ZFHX3: variants seen among roughly 807,000 people sequenced by gnomAD.
ZFHX3 encodes zinc finger homeobox 3.
In ZFHX3, 42 loss-of-function variants were observed where a neutral mutation model predicts 279.1. The ratio of observed to expected loss-of-function variants is 0.15; its 90% CI spans 0.12 to 0.19. The LOEUF is 0.19. Ranked by LOEUF, ZFHX3 falls within the 10% of genes least tolerant of loss-of-function variation. The pLI is 1.00. For synonymous variants in ZFHX3, 2,293 were observed against 1,957.8 expected (o/e 1.17, Z -4.52); for missense variants, 4,981 against 4,754.0 (o/e 1.05, Z -1.40).
intron 2 of ZFHX3, among the ~76,000 whole-genome samples, chr16:73,579,854 TTATA>T (rs200667144): frequency 0.5 from 70,628 of 140,874 alleles, 19,710 homozygotes; most frequent in East Asian, 0.81. Context: ...ATTATACAGA[TTATA>T]TATATATATA....
chr16:72,892,917 G>T (rs112399459), intron 3 of ZFHX3, among the ~76,000 whole-genome samples: 180 of 152,282 alleles, frequency 1.2e-3, no homozygotes, highest in Non-Finnish European at 2.2e-3. Context: ...CTTTCTGGAG[G>T]TTACAATCCT....
chr16:73,871,307 G>A (rs994912470), intron 1 of ZFHX3, among the ~76,000 whole-genome samples: 4 of 152,172 alleles, frequency 2.6e-5, no homozygotes, highest in South Asian at 4.1e-4. Flanking sequence ...AACGACTTGC[G>A]TCAGCCACTG....
chr16:73,245,937 A>T (rs369302895), intron 5 of ZFHX3, among the ~76,000 whole-genome samples: 1 of 152,148 alleles, frequency 6.6e-6, no homozygotes, highest in Admixed American at 6.5e-5. Context: ...GGCGTGGACC[A>T]TGATAGGCTA....
chr16:73,236,911 A>C (rs1210152027), intron 5 of ZFHX3, among the ~76,000 whole-genome samples: 1 of 152,230 alleles, frequency 6.6e-6, no homozygotes, highest in Non-Finnish European at 1.5e-5. Flanking sequence ...TCAACAGCAA[A>C]GGGCACTTCA....
upstream of ZFHX3, among the ~76,000 whole-genome samples, chr16:73,051,173 T>A (rs1415366747): frequency 6.6e-6 from 1 of 152,232 alleles, no homozygotes; most frequent in Non-Finnish European, 1.5e-5. Context: ...TCCGGGTTCT[T>A]CTATTTTTAT....
chr16:73,696,142 G>A (rs1034562611), intron 1 of ZFHX3, among the ~76,000 whole-genome samples: 3 of 152,186 alleles, frequency 2.0e-5, no homozygotes, highest in African/African-American at 7.2e-5. Context: ...ATTTGTCATT[G>A]GTTGAGGGCT....
At chr16:73,615,582 G>A (rs765311926) in intron 2 of ZFHX3, among the ~76,000 whole-genome samples, 6 of 152,100 alleles carry the variant, frequency 3.9e-5, no homozygotes, top group Non-Finnish European at 8.8e-5. Flanking sequence ...TCAATTACAG[G>A]GTTCCTCCAA....
chr16:73,759,314 G>T (rs928006691), intron 1 of ZFHX3, among the ~76,000 whole-genome samples: 2 of 152,142 alleles, frequency 1.3e-5, no homozygotes, highest in Non-Finnish European at 2.9e-5. Context: ...CATTCTGCCA[G>T]TGGGAAGGGA....
At chr16:72,987,908 C>G (rs1962914425) in intron 1 of ZFHX3, among the ~76,000 whole-genome samples, 1 of 152,210 alleles carries the variant, frequency 6.6e-6, no homozygotes. Flanking sequence ...GAACTCCAAG[C>G]TGGACGCCCT....
rs765599171 is a variant in ZFHX3, at chr16:73,880,746, A to G, written c.-1608+10905T>C. On this transcript the variant is annotated intron_variant, in intron 1 of 17. Transcript: ENST00000641206. ...AATTTTGCAGTAACTGATCTACTGT[A>G]TTAGATGTGCCTGGTCTATTTATTT... is the stretch of plus-strand genomic sequence containing the variant. Among the ~76,000 whole-genome samples the G allele has an allele frequency of 2.6e-5, 4 of 152,220 alleles. No homozygotes were observed. The South Asian group carries it at 6.2e-4, about 24-fold the overall frequency.
At chr16:73,319,419 T>C (rs1026294985) in intron 3 of ZFHX3, among the ~76,000 whole-genome samples, 1 of 152,036 alleles carries the variant, frequency 6.6e-6, no homozygotes, top group Non-Finnish European at 1.5e-5. Context: ...TCCACATCTT[T>C]AATTGGGTCT....
In ZFHX3 at chr16:72,797,677, T is replaced by C. The variant is rs1328042914; in HGVS notation, c.5005A>G (p.Ser1669Gly). 1.2e-6 allele frequency: 2 copies of C among 1,614,018 alleles called. No individual in the cohort carries two copies. The highest frequency in any genetic ancestry group is 1.7e-6 in the Non-Finnish European group (2 of 1,180,040). Residue 1669 changes from serine (S) to glycine (G), a missense_variant, in exon 9 of 10, where the codon AGC becomes GGC. Transcript: ENST00000268489. The part of the protein sequence containing the change: ...GSNTFTTSNP[S>G]SAGIAPSSNL... ...GAGCTTGGAGCAATGCCAGCACTGC[T>C]TGGATTGGAGGTGGTAAAGGTGTTA...
chr16:73,133,154 G>C (rs974243036), intron 6 of ZFHX3, among the ~76,000 whole-genome samples: 1 of 152,222 alleles, frequency 6.6e-6, no homozygotes, highest in Non-Finnish European at 1.5e-5. Context: ...GTGTAACTGA[G>C]TGTTACGGTG....
intron 5 of ZFHX3, chr16:73,233,033 T>G (rs1185739100): frequency 6.7e-6 from 1 of 148,498 alleles, no homozygotes; most frequent in African/African-American, 2.5e-5. Context: ...ATCGACTAAT[T>G]GTTGGCAATG....
At chr16:73,077,887 C>T (rs1397192425) in intron 8 of ZFHX3, among the ~76,000 whole-genome samples, 1 of 152,200 alleles carries the variant, frequency 6.6e-6, no homozygotes, top group Non-Finnish European at 1.5e-5. Flanking sequence ...TCACTGCAAC[C>T]TCTGCCTCCT....
At chr16:73,649,689 T>C (rs895291922) in intron 2 of ZFHX3, among the ~76,000 whole-genome samples, 9 of 152,200 alleles carry the variant, frequency 5.9e-5, no homozygotes, top group African/African-American at 1.7e-4. Context: ...TTAGATTCTT[T>C]ATAACATCTT....
intron 1 of ZFHX3, among the ~76,000 whole-genome samples, chr16:73,761,955 AT>A (rs2053872448): frequency 6.6e-6 from 1 of 152,184 alleles, no homozygotes; most frequent in African/African-American, 2.4e-5. Flanking sequence ...GTCAAAAGCA[AT>A]TGCAACAAAA....
At chr16:72,993,286 C>G (rs777996338) in intron 1 of ZFHX3, among the ~76,000 whole-genome samples, 18 of 152,204 alleles carry the variant, frequency 1.2e-4, no homozygotes, top group Non-Finnish European at 2.5e-4. Flanking sequence ...GCCCACTGTT[C>G]GCATCACAAG....
chr16:73,188,957 G>A (rs529478857), intron 5 of ZFHX3, among the ~76,000 whole-genome samples: 6 of 151,476 alleles, frequency 4.0e-5, no homozygotes, highest in Admixed American at 6.6e-5. Flanking sequence ...TCCGCCTCCT[G>A]GGTTCAAGCG....
Sources: allele counts gnomAD v4.1 joint callset (sites outside exome capture counted in the v4.1 genomes callset), GRCh38; gene constraint gnomAD v4.1.1; transcripts MANE v1.5; gene names NCBI Gene and HGNC (gene_info 2026-07-23, HGNC 2026-07-21).